Variants in REPS2 observed in about 807,000 individuals in gnomAD.
REPS2 encodes RALBP1 associated Eps domain containing 2, also known as ralBP1-associated Eps domain-containing protein 2.
A neutral mutation model predicts 53.6 loss-of-function variants in REPS2; 23 were observed. The ratio of observed to expected loss-of-function variants is 0.43; its 90% CI spans 0.31 to 0.61. The LOEUF (loss-of-function observed/expected upper bound fraction) is 0.61. Among genes scored for constraint, REPS2 ranks in the 20% least tolerant of loss-of-function variants. The pLI is 0.11. For missense variants in REPS2, 446 were observed against 534.9 expected (o/e 0.83, Z 1.64); for synonymous variants, 238 against 218.6 (o/e 1.09, Z -0.78).
chrX:16,965,996 G>C (rs1042181350), intron 1 of REPS2, among the ~76,000 whole-genome samples: 2 of 112,607 alleles, frequency 1.8e-5, no homozygotes, highest in Non-Finnish European at 3.8e-5. Flanking sequence ...TGCAATTGCA[G>C]GCACTCGGCA....
chrX:17,039,198 T>G (rs755425167), intron 5 of REPS2, among the ~76,000 whole-genome samples: 15 of 112,186 alleles, frequency 1.3e-4, no homozygotes, highest in African/African-American at 3.9e-4. Context: ...CTCATTTTTC[T>G]TGGCTTTCTC....
intron 14 of REPS2, among the ~76,000 whole-genome samples, chrX:17,114,106 G>T (rs1427489057): frequency 5.4e-5 from 6 of 111,507 alleles, no homozygotes; most frequent in African/African-American, 1.3e-4. Flanking sequence ...GACCTTTGAT[G>T]GTAAGGTTTT....
intron 1 of REPS2, chrX:16,978,545 G>A: frequency 1.3e-6 from 1 of 750,016 alleles, no homozygotes; most frequent in East Asian, 1.5e-4. Flanking sequence ...GACTTCCAAA[G>A]GATGCTCTGA....
At chrX:17,100,307 T>C (rs2062770229) in intron 13 of REPS2, 1 of 538,987 alleles carries the variant, frequency 1.9e-6, no homozygotes, top group Non-Finnish European at 3.3e-6. Flanking sequence ...CTTGTTTTGT[T>C]TTTTCTCCAT....
chrX:17,110,363 T>C (rs747921130), intron 14 of REPS2, among the ~76,000 whole-genome samples: 4 of 101,554 alleles, frequency 3.9e-5, no homozygotes, highest in Admixed American at 1.1e-4. Flanking sequence ...TAGTTGACCA[T>C]CTCAAATCTG....
chrX:16,984,453 C>G (rs1195093184), intron 1 of REPS2, among the ~76,000 whole-genome samples: 4 of 111,904 alleles, frequency 3.6e-5, no homozygotes, highest in Non-Finnish European at 7.5e-5. Context: ...ATACACAACC[C>G]TGATATAATG....
intron 1 of REPS2, among the ~76,000 whole-genome samples, chrX:16,989,235 T>C (rs141303107): frequency 2.4e-3 from 185 of 77,263 alleles, no homozygotes; most frequent in African/African-American, 8.5e-3. Flanking sequence ...GCTAGGTCAA[T>C]TAAACATCAA....
intron 14 of REPS2, among the ~76,000 whole-genome samples, chrX:17,112,753 AAAG>A (rs2062988442): frequency 9.0e-6 from 1 of 110,943 alleles, no homozygotes; most frequent in African/African-American, 3.3e-5. Flanking sequence ...TAACATTAAA[AAAG>A]AAGAGATCCA....
chrX:16,980,182 C>T (rs1422600539), intron 1 of REPS2, among the ~76,000 whole-genome samples: 1 of 108,547 alleles, frequency 9.2e-6, no homozygotes, highest in Non-Finnish European at 1.9e-5. Flanking sequence ...GATCTTGGCT[C>T]ACTGTGACCT....
chrX:16,998,101 G>T (rs891692409), intron 1 of REPS2, among the ~76,000 whole-genome samples: 2 of 111,392 alleles, frequency 1.8e-5, no homozygotes, highest in African/African-American at 6.5e-5. Flanking sequence ...CAAAAAAGTA[G>T]CCAGGTGTGA....
At chrX:17,173,917 G>A in the REPS2 span, among the ~76,000 whole-genome samples, 2 of 110,784 alleles carry the variant, frequency 1.8e-5, no homozygotes, top group Non-Finnish European at 3.8e-5. Flanking sequence ...CAATTTCCCC[G>A]GGTGGTGTAG....
Position 17,054,884 on chromosome X carries a change from C to T in REPS2, c.1048C>T (p.Arg350Trp). Residue 350 changes from arginine to tryptophan, a missense_variant, in exon 8 of 18, where the codon CGG becomes TGG. Transcript: ENST00000357277. Reference protein sequence around the residue: ...FCAAFHLIVARKNGYPLPEGL... With the variant: ...FCAAFHLIVAWKNGYPLPEGL... The stretch of plus-strand genomic sequence containing the variant: ...TGCTGCGTTTCATCTCATTGTGGCT[C>T]GGAAGAACGGCTACCCATTGCCTGA... 2 of 1,211,460 alleles carry T rather than the reference C, an allele frequency of 1.7e-6. No individual in the cohort carries two copies. Among genetic ancestry groups the T allele is most frequent in the Non-Finnish European group, 2.2e-6 (2 of 895,297 alleles).
chrX:17,019,833 A>G (rs1015642214), intron 2 of REPS2, among the ~76,000 whole-genome samples: 4 of 111,460 alleles, frequency 3.6e-5, no homozygotes, highest in Non-Finnish European at 7.5e-5. Context: ...AAAAACAAAA[A>G]CCAAAAAAAA....
chrX:16,997,999 C>T (rs2061252527), intron 1 of REPS2, among the ~76,000 whole-genome samples: 1 of 111,538 alleles, frequency 9.0e-6, no homozygotes, highest in African/African-American at 3.3e-5. Context: ...AATCCCAGCA[C>T]TTTGGGAGGC....
At chrX:16,991,913 C>T (rs753725663) in intron 1 of REPS2, among the ~76,000 whole-genome samples, 3 of 111,012 alleles carry the variant, frequency 2.7e-5, no homozygotes, top group Admixed American at 9.6e-5. Context: ...TTAGAAGGAA[C>T]GTGCCCTGCT....
intron 6 of REPS2, among the ~76,000 whole-genome samples, chrX:17,050,801 A>G (rs1244398140): frequency 1.8e-5 from 2 of 111,814 alleles, no homozygotes; most frequent in Non-Finnish European, 3.8e-5. Context: ...TAATAATCAC[A>G]TCATGGTAAA....
At chrX:17,142,059 T>C (rs1333078073) in intron 17 of REPS2, among the ~76,000 whole-genome samples, 1 of 111,999 alleles carries the variant, frequency 8.9e-6, no homozygotes, top group Non-Finnish European at 1.9e-5. Flanking sequence ...AGTCCTGAAA[T>C]AGACCACATG....
chrX:17,159,414 T>C, the REPS2 span, among the ~76,000 whole-genome samples: 1 of 111,580 alleles, frequency 9.0e-6, no homozygotes, highest in Non-Finnish European at 1.9e-5. Context: ...TTGGAGAAAA[T>C]TTCCTCTTGT....
intron 10 of REPS2, among the ~76,000 whole-genome samples, chrX:17,069,099 C>T (rs972563106): frequency 2.7e-5 from 3 of 112,018 alleles, no homozygotes; most frequent in Non-Finnish European, 5.6e-5. Flanking sequence ...TATAATCTAC[C>T]AGGTCCTTGC....
Sources: gnomAD v4.1 joint callset for allele counts (sites outside exome capture counted in the v4.1 genomes callset) on GRCh38, gnomAD v4.1.1 for gene constraint, MANE v1.5 for transcripts, NCBI Gene and HGNC (gene_info 2026-07-23, HGNC 2026-07-21) for gene names.